Variants in CLSTN2 observed in about 807,000 individuals in gnomAD.
The protein encoded by CLSTN2 is calsyntenin 2.
CLSTN2 carries 48 observed loss-of-function variants against 101.2 expected under a neutral mutation model. That is an observed-to-expected ratio of 0.47 (90% CI 0.38 to 0.60). CLSTN2 has a LOEUF of 0.60. Ranked by LOEUF, CLSTN2 falls within the 20% of genes least tolerant of loss-of-function variation. The pLI, the probability that CLSTN2 is intolerant of heterozygous loss-of-function variation, is 0.00. For synonymous variants in CLSTN2, 481 were observed against 463.6 expected (o/e 1.04, Z -0.48); for missense variants, 1,160 against 1,238.2 (o/e 0.94, Z 0.95).
At chr3:140,478,608 C>T (rs1313905850) in intron 8 of CLSTN2, among the ~76,000 whole-genome samples, 1 of 152,130 alleles carries the variant, frequency 6.6e-6, no homozygotes, top group Non-Finnish European at 1.5e-5. Flanking sequence ...TGCAAATGAG[C>T]ACAGACTTTT....
chr3:140,202,860 A>C (rs1218628809), intron 2 of CLSTN2, among the ~76,000 whole-genome samples: 1 of 152,142 alleles, frequency 6.6e-6, no homozygotes, highest in Non-Finnish European at 1.5e-5. Flanking sequence ...TGAGCACATA[A>C]CTAGTCTACA....
chr3:140,046,445 G>A (rs999695452), intron 1 of CLSTN2, among the ~76,000 whole-genome samples: 4 of 152,148 alleles, frequency 2.6e-5, no homozygotes, highest in Non-Finnish European at 4.4e-5. Flanking sequence ...ACAGTACACT[G>A]ATAGGTCTTG....
intron 1 of CLSTN2, among the ~76,000 whole-genome samples, chr3:140,139,792 GT>G (rs1323037147): frequency 6.6e-6 from 1 of 152,236 alleles, no homozygotes; most frequent in Non-Finnish European, 1.5e-5. Context: ...AATCAGATGT[GT>G]TTTTGGCTTA....
intron 2 of CLSTN2, among the ~76,000 whole-genome samples, chr3:140,205,895 G>GGAGC (rs2010776062): frequency 1.3e-5 from 2 of 152,248 alleles, no homozygotes; most frequent in Middle Eastern, 3.4e-3. Flanking sequence ...CAGGGTGGAT[G>GGAGC]GAGCGCCTGT....
chr3:140,363,479 T>A (rs373827818), intron 2 of CLSTN2, among the ~76,000 whole-genome samples: 1 of 152,232 alleles, frequency 6.6e-6, no homozygotes, highest in African/African-American at 2.4e-5. Flanking sequence ...AATTTTAAGG[T>A]ATGTAAATAC....
At chr3:140,555,878 C>A (rs530659058) in intron 10 of CLSTN2, among the ~76,000 whole-genome samples, 1 of 152,028 alleles carries the variant, frequency 6.6e-6, no homozygotes, top group East Asian at 1.9e-4. Flanking sequence ...GTGTGGGATA[C>A]CAGGGACTTT....
chr3:140,150,527 G>A (rs531979505), intron 1 of CLSTN2, among the ~76,000 whole-genome samples: 4 of 152,306 alleles, frequency 2.6e-5, no homozygotes, highest in African/African-American at 7.2e-5. Flanking sequence ...CTCAGGCATT[G>A]CATCAGCTCA....
chr3:140,236,413 ACT>A (rs2086416920), intron 2 of CLSTN2, among the ~76,000 whole-genome samples: 1 of 151,480 alleles, frequency 6.6e-6, no homozygotes, highest in South Asian at 2.1e-4. Flanking sequence ...TAAAACTGTC[ACT>A]CTCTAATATT....
At chr3:140,219,760 G>C (rs1234733345) in intron 2 of CLSTN2, among the ~76,000 whole-genome samples, 1 of 152,094 alleles carries the variant, frequency 6.6e-6, no homozygotes, top group African/African-American at 2.4e-5. Context: ...TTCCTTAGAC[G>C]CTTTGCTTCT....
chr3:140,340,117 C>T (rs1037858418), intron 2 of CLSTN2, among the ~76,000 whole-genome samples: 4 of 125,852 alleles, frequency 3.2e-5, no homozygotes, highest in Admixed American at 1.5e-4. Context: ...GCTCCTCTCC[C>T]TCCCCTTCTC....
chr3:140,450,136 T>C (rs900773182), intron 6 of CLSTN2: 2 of 152,132 alleles, frequency 1.3e-5, no homozygotes, highest in Non-Finnish European at 2.9e-5. Flanking sequence ...TATTTAGTTA[T>C]CCCATCTTCA....
intron 1 of CLSTN2, among the ~76,000 whole-genome samples, chr3:140,173,071 A>G (rs1207268821): frequency 6.6e-6 from 1 of 152,226 alleles, no homozygotes; most frequent in Non-Finnish European, 1.5e-5. Context: ...TCAAAAGTCC[A>G]CAGTCTAAAG....
intron 6 of CLSTN2, 102 bp from the exon 7 acceptor site, chr3:140,459,419 T>C (rs1316198863): frequency 2.2e-6 from 3 of 1,350,006 alleles, no homozygotes; most frequent in Non-Finnish European, 3.1e-6. Context: ...CACAGACGTC[T>C]CTGAGTAAGT....
intron 6 of CLSTN2, among the ~76,000 whole-genome samples, chr3:140,449,108 AC>A (rs906646418): frequency 6.6e-6 from 1 of 152,204 alleles, no homozygotes; most frequent in African/African-American, 2.4e-5. Context: ...AGTGTCAGTC[AC>A]CTGGAAAGGG....
intron 1 of CLSTN2, among the ~76,000 whole-genome samples, chr3:140,032,401 T>A (rs992094392): frequency 6.7e-6 from 1 of 150,348 alleles, no homozygotes; most frequent in Admixed American, 6.7e-5. Flanking sequence ...AGTGGCGTGA[T>A]CTTGGCTCAC....
chr3:140,315,344 G>A (rs77824569), intron 2 of CLSTN2, among the ~76,000 whole-genome samples: 6,489 of 152,276 alleles, frequency 0.043, 287 homozygotes, highest in African/African-American at 0.11. Flanking sequence ...TGGGAAAGGT[G>A]TATGCCAAGA....
At chr3:140,054,252 C>G (rs543306294) in intron 1 of CLSTN2, among the ~76,000 whole-genome samples, 1 of 152,194 alleles carries the variant, frequency 6.6e-6, no homozygotes, top group African/African-American at 2.4e-5. Flanking sequence ...TATCAAGTAC[C>G]TTCCTGAAGC....
chr3:140,560,726 C>T (rs1038210033), intron 12 of CLSTN2, among the ~76,000 whole-genome samples: 20 of 152,072 alleles, frequency 1.3e-4, no homozygotes, highest in Non-Finnish European at 2.6e-4. Context: ...AAATGGCAGC[C>T]GTGACACACT....
chr3:139,966,765 G>A (rs573710326), intron 1 of CLSTN2, among the ~76,000 whole-genome samples: 1 of 152,320 alleles, frequency 6.6e-6, no homozygotes, highest in South Asian at 2.1e-4. Flanking sequence ...GATGGACTGA[G>A]TGAAGGGAAG....
Sources: allele counts gnomAD v4.1 joint callset (sites outside exome capture counted in the v4.1 genomes callset), GRCh38; gene constraint gnomAD v4.1.1; transcripts MANE v1.5; gene names NCBI Gene and HGNC (gene_info 2026-07-23, HGNC 2026-07-21).